WDTC1: variants seen among roughly 807,000 people sequenced by gnomAD.
WDTC1 encodes the protein WD and tetratricopeptide repeats 1.
Under a neutral mutation model 76.0 loss-of-function variants are expected in WDTC1, and 12 were observed. That is an observed-to-expected ratio of 0.16 (90% CI 0.10 to 0.26). The LOEUF (loss-of-function observed/expected upper bound fraction) is 0.26, where lower values mean the gene tolerates loss of function less well. Ranked by LOEUF, WDTC1 falls within the 10% of genes least tolerant of loss-of-function variation. The pLI is 1.00. For missense variants in WDTC1, 511 were observed against 908.8 expected, an observed-to-expected ratio of 0.56 and a Z score of 5.63; for synonymous variants, 326 against 350.8, an observed-to-expected ratio of 0.93 and a Z score of 0.79.
At position 27,296,386 on chromosome 1, in the gene WDTC1, T is replaced by A. The variant is rs1405975821; in HGVS notation, c.934T>A (p.Cys312Ser). The change falls in exon 10 of 16, where the codon TGC becomes AGC. Residue 312 changes from cysteine (C) to serine (S), a missense_variant. Physicochemically the swap from Cys to Ser is moderately radical, Grantham distance 112. Transcript: ENST00000319394. ...RPYTFLLPRK[C>S]HSSGEVQNGK... is the part of the protein sequence containing the mutation. The stretch of plus-strand genomic sequence containing the variant: ...GTACACCTTCCTCTTGCCTAGAAAA[T>A]GCCACTCCTCGGGGGGTAAGTTCTC... The A allele has an allele frequency of 6.2e-7, 1 of 1,613,892 alleles. No individual in the cohort carries two copies. Among genetic ancestry groups the A allele is most frequent in the African/African-American group, 1.3e-5 (1 of 74,842 alleles).
At chr1:27,294,773 G>T in intron 9 of WDTC1, 144 bp downstream of exon 9, 1 of 670,644 alleles carries the variant, frequency 1.5e-6, no homozygotes, top group Non-Finnish European at 2.5e-6. Context: ...GGGGTGATGT[G>T]GCATCATTGG....
intron 1 of WDTC1, among the ~76,000 whole-genome samples, chr1:27,238,345 A>G (rs2011535712): frequency 6.6e-6 from 1 of 152,236 alleles, no homozygotes; most frequent in African/African-American, 2.4e-5. Context: ...GCATCTCAGG[A>G]TTAAATGACA....
chr1:27,264,737 C>T (rs2012605776), intron 3 of WDTC1, among the ~76,000 whole-genome samples: 1 of 152,112 alleles, frequency 6.6e-6, no homozygotes, highest in African/African-American at 2.4e-5. Context: ...GGTCTCTCAC[C>T]TTGGCCTCCC....
chr1:27,302,212 G>C (rs762295655), intron 13 of WDTC1, among the ~76,000 whole-genome samples: 1 of 152,172 alleles, frequency 6.6e-6, no homozygotes, highest in Non-Finnish European at 1.5e-5. Flanking sequence ...TGGGTCCTGG[G>C]AATAGAGCTG....
chr1:27,294,759 T>C (rs554220017), intron 9 of WDTC1, 130 bp downstream of exon 9: 2 of 741,488 alleles, frequency 2.7e-6, no homozygotes, highest in Admixed American at 4.9e-5. Flanking sequence ...TACATTGAAA[T>C]GTGGGGGTGA....
chr1:27,240,235 G>A (rs533374160), intron 1 of WDTC1, among the ~76,000 whole-genome samples: 1 of 152,204 alleles, frequency 6.6e-6, no homozygotes, highest in Admixed American at 6.5e-5. Context: ...AGCTCCCCTG[G>A]AAGGAAGGTA....
At chr1:27,299,172 G>T (rs1215452428) in intron 12 of WDTC1, among the ~76,000 whole-genome samples, 1 of 152,216 alleles carries the variant, frequency 6.6e-6, no homozygotes, top group Non-Finnish European at 1.5e-5. Flanking sequence ...AGAGAGGTTG[G>T]TGATTTCCTA....
At chr1:27,281,695 C>A (rs1405353459) in intron 3 of WDTC1, among the ~76,000 whole-genome samples, 1 of 152,022 alleles carries the variant, frequency 6.6e-6, no homozygotes, top group African/African-American at 2.4e-5. Context: ...CTCAAGTCAT[C>A]CTCCCAACCT....
chr1:27,287,621 C>T (rs2013378116), intron 5 of WDTC1, 53 bp from the exon 6 acceptor site: 8 of 1,554,754 alleles, frequency 5.1e-6, no homozygotes, highest in South Asian at 2.4e-5. Flanking sequence ...AGCCTCCTTC[C>T]GTGGCCATTT....
At chr1:27,241,350 T>G (rs2011626731) in intron 1 of WDTC1, among the ~76,000 whole-genome samples, 1 of 152,134 alleles carries the variant, frequency 6.6e-6, no homozygotes, top group African/African-American at 2.4e-5. Context: ...AATTTTGTCC[T>G]TATTCATGAC....
chr1:27,234,837 C>A lies in WDTC1; in HGVS notation c.-214C>A, dbSNP rs1458219697. 2.5e-6 allele frequency: 1 copy of A among 396,850 alleles called. No individual in the cohort carries two copies. The highest frequency in any genetic ancestry group is 4.4e-6 in the Non-Finnish European group (1 of 225,010). 24.6% of individuals were successfully genotyped at this position (396,850 alleles called of 1,614,324 possible). On this transcript the variant is annotated 5_prime_UTR_variant, in exon 1 of 16. Coordinates refer to ENST00000319394, the MANE Select transcript of WDTC1 (RefSeq NM_001276252.2). Reference sequence around the variant, plus strand: ...GAAGGGGCTAGAACTGCTCGAGCCCCCCAGCCCCCTCCCCGGGATCCGCGC... The same window carrying A: ...GAAGGGGCTAGAACTGCTCGAGCCCACCAGCCCCCTCCCCGGGATCCGCGC...
chr1:27,260,536 G>T (rs2012444923), intron 1 of WDTC1, among the ~76,000 whole-genome samples: 1 of 152,150 alleles, frequency 6.6e-6, no homozygotes, highest in African/African-American at 2.4e-5. Flanking sequence ...ATACTGATTT[G>T]GTTTCGGGGA....
At chr1:27,298,603 G>A (rs1334470885) in intron 12 of WDTC1, among the ~76,000 whole-genome samples, 1 of 152,176 alleles carries the variant, frequency 6.6e-6, no homozygotes, top group Non-Finnish European at 1.5e-5. Context: ...CCATATCCCA[G>A]AGATCCAAAG....
intron 3 of WDTC1, among the ~76,000 whole-genome samples, chr1:27,276,710 G>GA (rs200680288): frequency 6.6e-5 from 10 of 150,442 alleles, no homozygotes; most frequent in Admixed American, 3.3e-4. Context: ...AAAAAGAAAA[G>GA]AAAAAAAAAT....
At chr1:27,253,497 TTC>T in intron 1 of WDTC1, among the ~76,000 whole-genome samples, 1 of 143,738 alleles carries the variant, frequency 7.0e-6, no homozygotes, top group Non-Finnish European at 1.5e-5. Context: ...TTCTTCTTTC[TTC>T]TTCTTTCTTT....
chr1:27,282,995 G>T (rs1400015279), intron 4 of WDTC1, among the ~76,000 whole-genome samples: 1 of 151,800 alleles, frequency 6.6e-6, no homozygotes, highest in Non-Finnish European at 1.5e-5. Flanking sequence ...AAAATTAGCC[G>T]GGTGTGGTGG....
In WDTC1 at chr1:27,268,669, G is replaced by A. The variant is rs553431607; in HGVS notation, c.132+5434G>A. On this transcript the variant is annotated intron_variant, in intron 3 of 15. Coordinates refer to ENST00000319394, the MANE Select transcript of WDTC1 (RefSeq NM_001276252.2). ...CCTGACCTCGTGATTCACCCACCTCGGCCTCCCAAGTACTGGGATTACAGG... is the reference window on the plus strand; with the variant it reads ...CCTGACCTCGTGATTCACCCACCTCAGCCTCCCAAGTACTGGGATTACAGG... 2.6e-4 allele frequency among the ~76,000 whole-genome samples: 39 copies of A among 150,434 alleles called. No homozygotes were observed. In the South Asian group the frequency reaches 7.6e-3, roughly 29 times the overall value.
At chr1:27,269,910 TTTGTTGTTGTTGTTGTTGTTG>T (rs151248965) in intron 3 of WDTC1, among the ~76,000 whole-genome samples, 5 of 146,598 alleles carry the variant, frequency 3.4e-5, no homozygotes, top group Admixed American at 2.1e-4. Context: ...ACGCCCGGCC[TTTGTTGTTGTTGTTGTTGTTG>T]TTGTTGTTGT....
At chr1:27,281,506 G>T (rs571275791) in intron 3 of WDTC1, among the ~76,000 whole-genome samples, 3 of 151,778 alleles carry the variant, frequency 2.0e-5, no homozygotes, top group Admixed American at 1.3e-4. Context: ...GGCTGTCCTT[G>T]GATTGAATGT....
Sources: gnomAD v4.1 joint callset for allele counts (sites outside exome capture counted in the v4.1 genomes callset) on GRCh38, gnomAD v4.1.1 for gene constraint, MANE v1.5 for transcripts, NCBI Gene and HGNC (gene_info 2026-07-23, HGNC 2026-07-21) for gene names.